CFAP92: variants seen among roughly 807,000 people sequenced by gnomAD.
CFAP92 encodes the protein uncharacterized protein CFAP92.
In CFAP92, 86 loss-of-function variants were observed where a neutral mutation model predicts 106.3. The ratio of observed to expected loss-of-function variants is 0.81; its 90% confidence interval spans 0.68 to 0.97. CFAP92 has a LOEUF of 0.97. Ranked by LOEUF, CFAP92 falls within the 50% of genes least tolerant of loss-of-function variation. The pLI is 0.00. For missense variants in CFAP92, 1,204 were observed against 1,283.8 expected (o/e 0.94, Z 0.95); for synonymous variants, 477 against 506.4 (o/e 0.94, Z 0.78).
At chr3:128,936,834 A>C (rs1031947563) in intron 10 of CFAP92, among the ~76,000 whole-genome samples, 4 of 152,162 alleles carry the variant, frequency 2.6e-5, no homozygotes, top group Admixed American at 2.0e-4. Context: ...CCCAAATAAA[A>C]TTTTTAAATT....
chr3:128,965,897 C>T (rs919396489), intron 8 of CFAP92, among the ~76,000 whole-genome samples: 6 of 151,816 alleles, frequency 4.0e-5, no homozygotes, highest in Admixed American at 2.0e-4. Context: ...ACTGAGGTCC[C>T]GTAAATTCTC....
At chr3:128,963,030 T>C (rs900037502) in intron 9 of CFAP92, among the ~76,000 whole-genome samples, 15 of 152,306 alleles carry the variant, frequency 9.8e-5, no homozygotes, top group Non-Finnish European at 1.6e-4. Flanking sequence ...CTGACACCCA[T>C]TAGGCTCAGC....
chr3:128,959,968 C>T (rs915482014), intron 9 of CFAP92, among the ~76,000 whole-genome samples: 4 of 152,150 alleles, frequency 2.6e-5, no homozygotes, highest in Non-Finnish European at 2.9e-5. Context: ...TCCCGCCCCA[C>T]CCTAACTGAT....
intron 15 of CFAP92, among the ~76,000 whole-genome samples, chr3:128,912,254 G>A (rs535407189): frequency 2.4e-4 from 36 of 152,304 alleles, no homozygotes; most frequent in African/African-American, 7.9e-4. Flanking sequence ...TACGGAGCAA[G>A]TGCCGGCTCC....
At chr3:128,948,528 AT>A (rs554978013) in intron 9 of CFAP92, among the ~76,000 whole-genome samples, 13,450 of 132,550 alleles carry the variant, frequency 0.1, 1,450 homozygotes, top group African/African-American at 0.28. Context: ...CCATCCCGGA[AT>A]TTTTTTTTTT....
chr3:128,976,922 A>G, intron 6 of CFAP92, 57 bp downstream of exon 6: 2 of 1,325,242 alleles, frequency 1.5e-6, no homozygotes, highest in Non-Finnish European at 1.1e-6. Flanking sequence ...GACTCATAGT[A>G]GGGCTAGTAC....
intron 10 of CFAP92, 51 bp downstream of exon 10, chr3:128,945,020 C>T (rs1305174018): frequency 2.1e-5 from 30 of 1,410,098 alleles, no homozygotes; most frequent in Non-Finnish European, 2.6e-5. Context: ...TCCACTCCCT[C>T]GGCATCCAGA....
chr3:128,947,691 C>T (rs1032368103), intron 9 of CFAP92, among the ~76,000 whole-genome samples: 13 of 152,168 alleles, frequency 8.5e-5, no homozygotes, highest in African/African-American at 3.1e-4. Flanking sequence ...TGATCAAAGG[C>T]TGGGTGTGGT....
upstream of CFAP92, chr3:129,003,208 C>A: frequency 1.0e-6 from 1 of 985,320 alleles, no homozygotes; most frequent in South Asian, 4.7e-5. Flanking sequence ...CGGGAAACTA[C>A]TCCTCTGATG....
Position 128,945,813 on chromosome 3 carries a change from G to T in CFAP92, c.1516C>A (p.Pro506Thr), listed in dbSNP as rs1047684988. The change falls in exon 10 of 16, where the codon CCC becomes ACC. Residue 506 changes from proline (P) to threonine (T), a missense_variant. Pro to Thr is a conservative substitution (Grantham distance 38). Transcript: ENST00000645291. ...CGGTCGTGAACTTCCACCACCATGG[G>T]GGGGCCCTCCAGGTATTCCCTTAGG... ...SDLREYLEGP[P>T]MVVEVHDRDR... 6 of 1,522,642 alleles carry T rather than the reference G, an allele frequency of 3.9e-6. No homozygotes were observed. In the African/African-American group the frequency reaches 8.3e-5, roughly 21 times the overall value. The allele number at this position is 1,522,642 out of a possible 1,614,324, so 94.3% of individuals were successfully genotyped here.
chr3:128,925,706 A>G (rs1329863266), intron 12 of CFAP92, among the ~76,000 whole-genome samples: 1 of 152,230 alleles, frequency 6.6e-6, no homozygotes, highest in African/African-American at 2.4e-5. Context: ...AACAAGTTCT[A>G]GAAACCCATG....
At chr3:128,956,202 A>C (rs1452998707) in intron 9 of CFAP92, among the ~76,000 whole-genome samples, 1 of 94,554 alleles carries the variant, frequency 1.1e-5, no homozygotes, top group African/African-American at 9.2e-5. Flanking sequence ...AAAATAAAAA[A>C]AAAATAAAAA....
chr3:128,969,336 C>G (rs140904900), intron 8 of CFAP92: 6 of 152,306 alleles, frequency 3.9e-5, no homozygotes, highest in East Asian at 1.9e-4. Context: ...TCTCTTCACA[C>G]GGACATGTAA....
intron 12 of CFAP92, among the ~76,000 whole-genome samples, chr3:128,930,987 A>G (rs1938303125): frequency 6.6e-6 from 1 of 152,020 alleles, no homozygotes; most frequent in Non-Finnish European, 1.5e-5. Flanking sequence ...GCTCACTGCA[A>G]CCTTACCTCC....
At chr3:128,970,949 C>T (rs1386622430) in intron 8 of CFAP92, 2 of 350,112 alleles carry the variant, frequency 5.7e-6, no homozygotes, top group Non-Finnish European at 1.0e-5. Context: ...TTGTAAAAAT[C>T]TGTAGGAAAG....
rs1936797104 is a variant in CFAP92, at chr3:128,916,128, C to T, written c.2895G>A (p.Glu965=). The change falls in exon 13 of 16, where the codon GAG becomes GAA. Residue 965 remains glutamate (E), a synonymous_variant. Coordinates refer to ENST00000645291, the MANE Select transcript of CFAP92 (RefSeq NM_001394090.1). ...TMNSTELAKK[E]LYQEIAKEPR... is the part of the protein sequence containing the mutation. Reference sequence around the variant, plus strand: ...TCACCTTGGCTATCTCTTGATACAGCTCCTTCTTGGCAAGCTCTGTAGAAT... The same window carrying T: ...TCACCTTGGCTATCTCTTGATACAGTTCCTTCTTGGCAAGCTCTGTAGAAT... The T allele has an allele frequency of 1.6e-6, 2 of 1,232,224 alleles. No homozygotes were observed. Among genetic ancestry groups the T allele is most frequent in the Non-Finnish European group, 2.0e-6 (2 of 988,022 alleles). 76.3% of individuals were successfully genotyped at this position (1,232,224 alleles called of 1,614,324 possible).
the CFAP92 span, among the ~76,000 whole-genome samples, chr3:129,022,864 G>A: frequency 0.2 from 30,264 of 152,216 alleles, 3,850 homozygotes; most frequent in Middle Eastern, 0.34. Context: ...GTCGCGGGCC[G>A]GAAAGCACAG....
chr3:128,913,684 C>CCT (rs1407409873), intron 15 of CFAP92, among the ~76,000 whole-genome samples: 5 of 152,204 alleles, frequency 3.3e-5, no homozygotes, highest in South Asian at 4.1e-4. Context: ...GCTGAGCTGG[C>CCT]TGAGTGGGGC....
intron 10 of CFAP92, among the ~76,000 whole-genome samples, chr3:128,937,422 A>T (rs1225045842): frequency 1.3e-5 from 2 of 152,060 alleles, no homozygotes; most frequent in African/African-American, 4.8e-5. Context: ...ACCAAGGTGA[A>T]ACCCCGTCTC....
Sources: allele counts gnomAD v4.1 joint callset (sites outside exome capture counted in the v4.1 genomes callset), GRCh38; gene constraint gnomAD v4.1.1; transcripts MANE v1.5; gene names NCBI Gene and HGNC (gene_info 2026-07-23, HGNC 2026-07-21).